POLR3A: variants seen among roughly 807,000 people sequenced by gnomAD.
POLR3A encodes DNA-directed RNA polymerase III subunit RPC1.
In POLR3A, 112 loss-of-function variants were observed where a neutral mutation model predicts 152.8. The ratio of observed to expected loss-of-function variants is 0.73; its 90% CI spans 0.63 to 0.86. The LOEUF is 0.86. Ranked by LOEUF, POLR3A falls within the 40% of genes least tolerant of loss-of-function variation. The probability of loss-of-function intolerance (pLI) is 0.00; values close to 1 mark genes in which losing one functional copy is unlikely to be tolerated. For synonymous variants in POLR3A, 615 were observed against 652.1 expected, an observed-to-expected ratio of 0.94 and a Z score of 0.87; for missense variants, 1,385 against 1,743.1, an observed-to-expected ratio of 0.79 and a Z score of 3.66.
intron 9 of POLR3A, 122 bp downstream of exon 9, chr10:78,019,040 T>C: frequency 1.3e-6 from 1 of 766,646 alleles, no homozygotes; most frequent in Non-Finnish European, 2.3e-6. Context: ...AAACAGATAT[T>C]TTCCACATGC....
chr10:78,010,468 T>G lies in POLR3A; in HGVS notation c.1642+3A>C. 6.2e-7 allele frequency: 1 copy of G among 1,609,492 alleles called. No homozygotes were observed. Among genetic ancestry groups the G allele is most frequent in the East Asian group, 2.2e-5 (1 of 44,866 alleles). On this transcript the variant is annotated splice_donor_region_variant and intron_variant, in intron 12 of 30. Coordinates refer to ENST00000372371, the MANE Select transcript of POLR3A (RefSeq NM_007055.4). ...TCCTTTCAAGTGAACTTCACCAACCTACCTGTTAGAAAATCCTGAATAGCA... is the reference window on the plus strand; with the variant it reads ...TCCTTTCAAGTGAACTTCACCAACCGACCTGTTAGAAAATCCTGAATAGCA...
In POLR3A at chr10:77,982,147, G is replaced by A; in HGVS notation, c.3759+7C>T. ...ACCCTAAGGCGACCCCGTGGGCTGA[G>A]TGGTACCTCATAGGTGTTATTGGAG... On this transcript the variant is annotated splice_region_variant and intron_variant, in intron 28 of 30. Transcript: ENST00000372371. 1 of 1,613,100 alleles carries A rather than the reference G, an allele frequency of 6.2e-7. No individual in the cohort carries two copies.
chr10:78,001,970 C>T (rs1006632781), intron 17 of POLR3A, among the ~76,000 whole-genome samples: 2 of 152,102 alleles, frequency 1.3e-5, no homozygotes, highest in African/African-American at 2.4e-5. Flanking sequence ...TTAAAGACCA[C>T]GTTGCTCAAA....
rs1462460124 is a variant in POLR3A at position 77,984,300 on chromosome 10, T to C, written c.3243-2A>G. 6.3e-6 allele frequency: 10 copies of C among 1,598,614 alleles called. No individual in the cohort carries two copies. Among genetic ancestry groups the C allele is most frequent in the Non-Finnish European group, 8.6e-6 (10 of 1,166,220 alleles). ...AGCTGTGCTGTGATAATTGGAGTGCTGTTGAGAAGCAAAGGAAAAATGGCA... is the reference window on the plus strand; with the variant it reads ...AGCTGTGCTGTGATAATTGGAGTGCCGTTGAGAAGCAAAGGAAAAATGGCA... On this transcript the variant is annotated splice_acceptor_variant, in intron 24 of 30. Transcript: ENST00000372371. LOFTEE classifies it high-confidence loss of function.
At chr10:77,993,444 A>T (rs1847269192) in intron 19 of POLR3A, 77 bp from the exon 20 acceptor site, 1 of 1,067,308 alleles carries the variant, frequency 9.4e-7, no homozygotes, top group Non-Finnish European at 1.5e-6. Flanking sequence ...TTTGCAACTC[A>T]AGAGTCTCAA....
rs1847266955 is a variant in POLR3A, at chr10:77,993,247, C to T, written c.2737G>A (p.Glu913Lys). Residue 913 changes from glutamate (E) to lysine (K), a missense_variant, in exon 20 of 31, where the codon GAG becomes AAG. This residue lies in a region of POLR3A where 178 missense variants were observed against 204.6 expected (regional missense o/e 0.87). Coordinates refer to ENST00000372371, the MANE Select transcript of POLR3A (RefSeq NM_007055.4). ...GGDGLDPAAM[E>K]GKDEPLEFKR... ...AACTCCAAAGGTTCATCTTTTCCCT[C>T]CATAGCTGCAGGATCTAAGCCATCT... 1 of 1,613,766 alleles carries T rather than the reference C, an allele frequency of 6.2e-7. No individual in the cohort carries two copies. The highest frequency in any genetic ancestry group is 1.7e-5 in the Admixed American group (1 of 60,030).
intron 19 of POLR3A, among the ~76,000 whole-genome samples, chr10:77,996,115 A>G (rs1847297930): frequency 6.6e-6 from 1 of 152,216 alleles, no homozygotes; most frequent in African/African-American, 2.4e-5. Context: ...GAAACCAACG[A>G]GAACAAAGAC....
chr10:78,009,331 C>T (rs1325444168), intron 14 of POLR3A, among the ~76,000 whole-genome samples: 2 of 152,138 alleles, frequency 1.3e-5, no homozygotes, highest in Non-Finnish European at 2.9e-5. Flanking sequence ...CATGTGTCTA[C>T]ATGATCTCTA....
chr10:78,025,085 G>C lies in POLR3A; in HGVS notation c.376C>G (p.Leu126Val). The C allele has an allele frequency of 6.2e-7, 1 of 1,614,218 alleles. No homozygotes were observed. Among genetic ancestry groups the C allele is most frequent in the Non-Finnish European group, 8.5e-7 (1 of 1,180,036 alleles). Residue 126 changes from leucine (L) to valine (V), a missense_variant, in exon 4 of 31, where the codon CTG becomes GTG. Around this residue, in one of 7 missense-constraint regions of POLR3A, gnomAD observed 493 missense variants for 647.5 expected, o/e 0.76. Transcript: ENST00000372371. ...MLSQEEKKQF[L>V]DYLKRPGLTY... ...AGGCCGGGCCTCTTTAGATAGTCCA[G>C]AAACTGCTTCTTCTCCTCTTGGGAC... is the stretch of plus-strand genomic sequence containing the variant.
chr10:78,002,095 T>G, intron 17 of POLR3A, 102 bp downstream of exon 17: 2 of 681,842 alleles, frequency 2.9e-6, no homozygotes, highest in Non-Finnish European at 5.1e-6. Flanking sequence ...ATCCCTTAAA[T>G]AAATGAAATG....
chr10:77,976,555 C>G lies in POLR3A; in HGVS notation c.*923G>C, dbSNP rs990499323. 2.0e-5 allele frequency: 3 copies of G among 152,202 alleles called. No homozygotes were observed. Among genetic ancestry groups the G allele is most frequent in the Non-Finnish European group, 2.9e-5 (2 of 68,038 alleles). The allele number at this position is 152,202 out of a possible 1,614,324, so 9.4% of individuals were successfully genotyped here. ...ACTCATTCTAACACAGATCCAAGAA[C>G]CAATGGCTACCCCGGGTACCTTAAC... is the stretch of plus-strand genomic sequence containing the variant. On this transcript the variant is annotated 3_prime_UTR_variant, in exon 31 of 31. Transcript: ENST00000372371.
At chr10:78,005,021 G>T (rs748964953) in intron 15 of POLR3A, 133 bp from the exon 16 acceptor site, 2 of 739,308 alleles carry the variant, frequency 2.7e-6, no homozygotes, top group Admixed American at 2.0e-5. Context: ...GTATAAAAAA[G>T]TGTATATCTT....
Position 77,986,064 on chromosome 10 carries a change from G to A in POLR3A, c.2988+9C>T. On this transcript the variant is annotated intron_variant, in intron 22 of 30. Transcript: ENST00000372371. ...CTCGGGGTTCTAACGCGTCTTGGAG[G>A]GATATTACCTCTGTTGTGCCGTTAT... 6.3e-7 allele frequency: 1 copy of A among 1,584,306 alleles called. No homozygotes were observed. Among genetic ancestry groups the A allele is most frequent in the Non-Finnish European group, 8.7e-7 (1 of 1,152,882 alleles).
At chr10:78,028,558 T>C (rs1847659573) in intron 1 of POLR3A, among the ~76,000 whole-genome samples, 1 of 148,952 alleles carries the variant, frequency 6.7e-6, no homozygotes, top group Non-Finnish European at 1.5e-5. Context: ...TCACTCAGGG[T>C]GGAATGCAGG....
At chr10:77,995,096 C>T (rs1847286885) in intron 19 of POLR3A, among the ~76,000 whole-genome samples, 1 of 152,182 alleles carries the variant, frequency 6.6e-6, no homozygotes, top group Admixed American at 6.5e-5. Flanking sequence ...AAATACTTTA[C>T]AGACAAGCAA....
chr10:78,026,213 C>T lies in POLR3A; in HGVS notation c.61G>A (p.Gly21Arg). Residue 21 changes from glycine (G) to arginine (R), a missense_variant, in exon 2 of 31, where the codon GGA (glycine) becomes AGA (arginine). Physicochemically the swap from Gly to Arg is moderately radical, Grantham distance 125. Transcript: ENST00000372371. ...CGCATCTCCTCAGGTGACTTCATTC[C>T]AAAACAGATGTGGCTTCTGGAATGG... ...VAKKISHICFGMKSPEEMRQQ... is the reference protein window; with the variant it reads ...VAKKISHICFRMKSPEEMRQQ... 6.2e-7 allele frequency: 1 copy of T among 1,614,208 alleles called. No homozygotes were observed. The highest frequency in any genetic ancestry group is 8.5e-7 in the Non-Finnish European group (1 of 1,180,030).
rs1292146338 is a variant in POLR3A at position 77,982,821 on chromosome 10, C to T, written c.3430-4G>A. 6.2e-7 allele frequency: 1 copy of T among 1,613,398 alleles called. No homozygotes were observed. The highest frequency in any genetic ancestry group is 8.5e-7 in the Non-Finnish European group (1 of 1,179,346). The stretch of plus-strand genomic sequence containing the variant: ...ATCTCACTGTCTCAGCGTTCACCTG[C>T]AACATGGCCAGGTGTAGGTGTTACT... On this transcript the variant is annotated splice_polypyrimidine_tract_variant and splice_region_variant and intron_variant, in intron 26 of 30. Coordinates refer to ENST00000372371, the MANE Select transcript of POLR3A (RefSeq NM_007055.4).
intron 5 of POLR3A, among the ~76,000 whole-genome samples, chr10:78,023,046 T>C (rs747502000): frequency 6.0e-5 from 9 of 150,452 alleles, no homozygotes; most frequent in Non-Finnish European, 1.0e-4. Flanking sequence ...TAATCCCAGA[T>C]ACTTGGGAGG....
chr10:78,007,843 A>T lies in POLR3A; in HGVS notation c.1933T>A (p.Leu645Met). ...CCTTTGTCCATGCTGCCACTCATCA[A>T]CTCACTGTTCTGGATTGTAACATCT... The part of the protein sequence containing the change: ...DSYVTIQNSE[L>M]MSGSMDKGTL... Residue 645 changes from leucine (L) to methionine (M), a missense_variant, in exon 15 of 31, where the codon TTG becomes ATG. Physicochemically the swap from Leu to Met is conservative, Grantham distance 15. Coordinates refer to ENST00000372371, the MANE Select transcript of POLR3A (RefSeq NM_007055.4). 6.2e-7 allele frequency: 1 copy of T among 1,613,578 alleles called. No homozygotes were observed. Among genetic ancestry groups the T allele is most frequent in the Non-Finnish European group, 8.5e-7 (1 of 1,179,518 alleles).
Sources: gnomAD v4.1 joint callset for allele counts (sites outside exome capture counted in the v4.1 genomes callset) on GRCh38, gnomAD v4.1.1 for gene constraint, gnomAD v4.1.1 regional missense constraint, MANE v1.5 for transcripts, NCBI Gene and HGNC (gene_info 2026-07-23, HGNC 2026-07-21) for gene names.